The following ATG7 variants were observed in gnomAD, a reference collection of about 807,000 sequenced individuals.
The protein encoded by ATG7 is ubiquitin-like modifier-activating enzyme ATG7.
Under a neutral mutation model 82.4 loss-of-function variants are expected in ATG7, and 70 were observed. That is an observed-to-expected ratio of 0.85 (90% confidence interval 0.70 to 1.04). The LOEUF (loss-of-function observed/expected upper bound fraction) is 1.04, where lower values mean the gene tolerates loss of function less well. Among genes scored for constraint, ATG7 ranks in the 50% least tolerant of loss-of-function variants. ATG7 has a pLI of 0.00. For missense variants in ATG7, 792 were observed against 864.3 expected (o/e 0.92, Z 1.05); for synonymous variants, 287 against 313.0 (o/e 0.92, Z 0.88).
At chr3:11,492,572 C>G (rs1206347621) in intron 20 of ATG7, among the ~76,000 whole-genome samples, 2 of 152,230 alleles carry the variant, frequency 1.3e-5, no homozygotes, top group Non-Finnish European at 2.9e-5. Flanking sequence ...TGCTCAACTC[C>G]TCGCGGGAGG....
intron 19 of ATG7, among the ~76,000 whole-genome samples, chr3:11,394,773 AAT>A (rs1244834588): frequency 6.6e-6 from 1 of 152,230 alleles, no homozygotes; most frequent in African/African-American, 2.4e-5. Context: ...CTATTTAGCT[AAT>A]GCCCATAGTT....
intron 19 of ATG7, among the ~76,000 whole-genome samples, chr3:11,403,709 G>T (rs1186314531): frequency 6.6e-6 from 1 of 152,080 alleles, no homozygotes. Flanking sequence ...GAAAAGGCAA[G>T]GAATATAAAA....
rs530392491 is a variant in ATG7, at chr3:11,298,488, A to T, written c.-10-198A>T. Reference sequence around the variant, plus strand: ...TATACTTAATATCACCTAACTGTTTACCTCAAAATAATCAAGATGGTAAAG... The same window carrying T: ...TATACTTAATATCACCTAACTGTTTTCCTCAAAATAATCAAGATGGTAAAG... On this transcript the variant is annotated intron_variant, in intron 3 of 20. Coordinates refer to ENST00000693202, the MANE Select transcript of ATG7 (RefSeq NM_001349232.2). Among the ~76,000 whole-genome samples the T allele has an allele frequency of 1.2e-4, 18 of 152,332 alleles. No homozygotes were observed. In the South Asian group the frequency reaches 3.5e-3, roughly 30 times the overall value.
intron 20 of ATG7, among the ~76,000 whole-genome samples, chr3:11,469,833 C>CA (rs1281427083): frequency 6.6e-6 from 1 of 150,828 alleles, no homozygotes; most frequent in East Asian, 2.0e-4. Flanking sequence ...CTAAAAATAC[C>CA]AAAAAAAGTA....
intron 19 of ATG7, among the ~76,000 whole-genome samples, chr3:11,420,904 T>C (rs1431784969): frequency 6.6e-6 from 1 of 151,886 alleles, no homozygotes; most frequent in African/African-American, 2.4e-5. Flanking sequence ...TACAGGTGTA[T>C]GCCACCTTGT....
At chr3:11,490,625 A>G (rs2090248326) in intron 20 of ATG7, among the ~76,000 whole-genome samples, 1 of 152,026 alleles carries the variant, frequency 6.6e-6, no homozygotes, top group Non-Finnish European at 1.5e-5. Context: ...GTTCCTTTCC[A>G]TGTTTAGTGG....
intron 5 of ATG7, among the ~76,000 whole-genome samples, chr3:11,305,921 T>C (rs1947644610): frequency 6.6e-6 from 1 of 152,204 alleles, no homozygotes; most frequent in Non-Finnish European, 1.5e-5. Flanking sequence ...ATCAGTGCAG[T>C]CAGTGAAAAG....
Position 11,328,772 on chromosome 3 carries a change from C to G in ATG7, c.679-2568C>G, listed in dbSNP as rs114360804. Among the ~76,000 whole-genome samples, 672 of 152,280 alleles carry G rather than the reference C, an allele frequency of 4.4e-3. 3 individuals are homozygous for G. The highest frequency in any genetic ancestry group is 7.3e-3 in the Non-Finnish European group (497 of 68,024). ...ACATTTACTAGCATAGAAGACAGTT[C>G]ACAATACAATAAGAGATATGAAACA... On this transcript the variant is annotated intron_variant, in intron 9 of 20. Coordinates refer to ENST00000693202, the MANE Select transcript of ATG7 (RefSeq NM_001349232.2).
At chr3:11,321,006 A>G (rs1036716377) in intron 9 of ATG7, among the ~76,000 whole-genome samples, 2 of 152,230 alleles carry the variant, frequency 1.3e-5, no homozygotes, top group African/African-American at 4.8e-5. Context: ...GACAGAATAC[A>G]GGGGAGGTAT....
intron 20 of ATG7, among the ~76,000 whole-genome samples, chr3:11,433,018 A>T (rs6442255): frequency 6.6e-6 from 1 of 151,508 alleles, no homozygotes; most frequent in South Asian, 2.1e-4. Flanking sequence ...TGGGATGGGT[A>T]CAGTGGCTTA....
Position 11,382,283 on chromosome 3 carries a change from T to G in ATG7, c.1956+2231T>G, listed in dbSNP as rs140649612. ...AAGCAATACATTATATACACATATA[T>G]ATAGAGAGAGAGAGTGCGAGCACGC... On this transcript the variant is annotated intron_variant, in intron 19 of 20. Transcript: ENST00000693202. Among the ~76,000 whole-genome samples, 306 of 152,304 alleles carry G rather than the reference T, an allele frequency of 2.0e-3. 9 individuals carry two copies. The highest frequency in any genetic ancestry group is 0.015 in the Admixed American group (226 of 15,302).
At position 11,298,776 on chromosome 3, in the gene ATG7, G is replaced by C. The variant is rs1946339989; in HGVS notation, c.81G>C (p.Trp27Cys). 2 of 1,614,046 alleles carry C rather than the reference G, an allele frequency of 1.2e-6. No homozygotes were observed. Among genetic ancestry groups the C allele is most frequent in the African/African-American group, 1.3e-5 (1 of 74,924 alleles). Residue 27 changes from tryptophan (W) to cysteine (C), a missense_variant, in exon 4 of 21, where the codon TGG becomes TGC. Physicochemically the swap from Trp to Cys is radical, Grantham distance 215 (BLOSUM62 -2). Coordinates refer to ENST00000693202, the MANE Select transcript of ATG7 (RefSeq NM_001349232.2). The part of the protein sequence containing the change: ...PFSSALDVGF[W>C]HELTQKKLNE... ...GTAGTGCCTTGGATGTTGGGTTTTGGCATGAGTTGACCCAGAAGAAGCTGA... is the reference window on the plus strand; with the variant it reads ...GTAGTGCCTTGGATGTTGGGTTTTGCCATGAGTTGACCCAGAAGAAGCTGA...
intron 20 of ATG7, among the ~76,000 whole-genome samples, chr3:11,531,218 G>C (rs1202102219): frequency 1.4e-5 from 2 of 147,676 alleles, no homozygotes; most frequent in African/African-American, 5.3e-5. Context: ...TCTAGAAGAA[G>C]GGGGGGCTGT....
At position 11,358,406 on chromosome 3, in the gene ATG7, G is replaced by A. The variant is rs751302304; in HGVS notation, c.1285-12G>A. 2.5e-6 allele frequency: 4 copies of A among 1,608,892 alleles called. No individual in the cohort carries two copies. In the Admixed American group the frequency reaches 6.7e-5, roughly 27 times the overall value. ...TTGCTCCAGACATAACTACGTCCTG[G>A]TGTTTCCCTAGAATGCCAGAGGATT... is the stretch of plus-strand genomic sequence containing the variant. On this transcript the variant is annotated splice_polypyrimidine_tract_variant and intron_variant, in intron 14 of 20. Coordinates refer to ENST00000693202, the MANE Select transcript of ATG7 (RefSeq NM_001349232.2).
At chr3:11,337,916 C>A (rs557812273) in intron 11 of ATG7, among the ~76,000 whole-genome samples, 95 of 152,036 alleles carry the variant, frequency 6.2e-4, no homozygotes, top group African/African-American at 2.2e-3. Flanking sequence ...GGCTGTGATT[C>A]TGTAGTTCTT....
intron 14 of ATG7, among the ~76,000 whole-genome samples, chr3:11,348,907 C>T (rs764080076): frequency 1.4e-4 from 22 of 151,728 alleles, no homozygotes; most frequent in South Asian, 2.1e-4. Context: ...AGACATAGAG[C>T]GCTGATTGGT....
At chr3:11,550,651 G>A (rs1286580141) in intron 20 of ATG7, among the ~76,000 whole-genome samples, 5 of 152,120 alleles carry the variant, frequency 3.3e-5, no homozygotes, top group Non-Finnish European at 5.9e-5. Flanking sequence ...TCCCGCCTCA[G>A]CCTCCCAAAG....
At chr3:11,488,798 G>C (rs1020089381) in intron 20 of ATG7, among the ~76,000 whole-genome samples, 1 of 152,118 alleles carries the variant, frequency 6.6e-6, no homozygotes, top group Non-Finnish European at 1.5e-5. Context: ...TGCTGGATTC[G>C]GTTTGCCAGT....
intron 14 of ATG7, among the ~76,000 whole-genome samples, chr3:11,353,903 AAAG>A (rs1388639970): frequency 1.3e-5 from 2 of 152,176 alleles, no homozygotes; most frequent in Non-Finnish European, 2.9e-5. Context: ...CAGGAAATAC[AAAG>A]AAGTGTACCA....
Sources: gnomAD v4.1 joint callset for allele counts (sites outside exome capture counted in the v4.1 genomes callset) on GRCh38, gnomAD v4.1.1 for gene constraint, MANE v1.5 for transcripts, NCBI Gene and HGNC (gene_info 2026-07-23, HGNC 2026-07-21) for gene names.